Variants in BTN3A1 observed in about 807,000 individuals in gnomAD.
BTN3A1 encodes the protein dJ45P21.3 (butyrophilin, subfamily 3, member A1).
BTN3A1 carries 24 observed loss-of-function variants against 43.0 expected under a neutral mutation model. That is an observed-to-expected ratio of 0.56 (90% CI 0.40 to 0.78). BTN3A1 has a LOEUF of 0.78. Among genes scored for constraint, BTN3A1 ranks in the 30% least tolerant of loss-of-function variants. The pLI, the probability that BTN3A1 is intolerant of heterozygous loss-of-function variation, is 0.00. For missense variants in BTN3A1, 533 were observed against 626.2 expected, an observed-to-expected ratio of 0.85 and a Z score of 1.59; for synonymous variants, 181 against 234.7, an observed-to-expected ratio of 0.77 and a Z score of 2.09.
rs200201898 is a variant in BTN3A1, at chr6:26,410,379, C to A, written c.964+347C>A. Among the ~76,000 whole-genome samples, 3 of 152,134 alleles carry A rather than the reference C, an allele frequency of 2.0e-5. No individual in the cohort carries two copies. In the East Asian group the frequency reaches 5.8e-4, roughly 29 times the overall value. On this transcript the variant is annotated intron_variant, in intron 7 of 9. Coordinates refer to ENST00000289361, the MANE Select transcript of BTN3A1 (RefSeq NM_007048.6). ...AGCCCTGCAAAGCACTGAGGAATAT[C>A]CAGGGGCACATTTGTAAAGGAAGGG...
chr6:26,404,568 C>T (rs997204285), intron 1 of BTN3A1: 2 of 152,180 alleles, frequency 1.3e-5, no homozygotes, highest in South Asian at 4.1e-4. Context: ...ACTCTTTTTA[C>T]CTGCTGCATT....
chr6:26,408,811 T>G (rs1457558220), intron 4 of BTN3A1, among the ~76,000 whole-genome samples: 1 of 152,188 alleles, frequency 6.6e-6, no homozygotes, highest in Non-Finnish European at 1.5e-5. Context: ...TATAGTGAAG[T>G]GGAAAAACCT....
intron 7 of BTN3A1, 59 bp from the exon 8 acceptor site, chr6:26,411,050 A>G: frequency 7.0e-7 from 1 of 1,437,090 alleles, no homozygotes. Flanking sequence ...AGTTAAGGGA[A>G]TGGGGCCAAA....
rs201217877 is a variant in BTN3A1 at position 26,406,134 on chromosome 6, T to C, written c.311T>C (p.Ile104Thr). 292 of 1,555,498 alleles carry C rather than the reference T, an allele frequency of 1.9e-4. 5 individuals are homozygous for C. The East Asian group carries it at 3.7e-3, about 20-fold the overall frequency. Residue 104 changes from isoleucine to threonine, a missense_variant, in exon 3 of 10, where the codon ATC becomes ACC. This residue lies in a region of BTN3A1 where 51 missense variants were observed against 90.9 expected (regional missense o/e 0.56). Coordinates refer to ENST00000289361, the MANE Select transcript of BTN3A1 (RefSeq NM_007048.6). ...RGRTSILRDG[I>T]TAGKAALRIH... ...AGAACTTCGATTCTGCGGGATGGCATCACTGCAGGGAAGGCTGCTCTCCGA... is the reference window on the plus strand; with the variant it reads ...AGAACTTCGATTCTGCGGGATGGCACCACTGCAGGGAAGGCTGCTCTCCGA...
chr6:26,407,788 G>A lies in BTN3A1; in HGVS notation c.551G>A (p.Gly184Glu), dbSNP rs369843054. The change falls in exon 4 of 10, where the codon GGA (glycine) becomes GAA (glutamate). Residue 184 changes from glycine (G) to glutamate (E), a missense_variant. By Grantham distance (98) the Gly-to-Glu change is moderately conservative. Transcript: ENST00000289361. ...CAAATACAGTGGAGCAACAACAAGG[G>A]AGAGAACATCCCGACTGTGGAAGCA... ...QPQIQWSNNK[G>E]ENIPTVEAPV... 9 of 1,614,230 alleles carry A rather than the reference G, an allele frequency of 5.6e-6. No individual in the cohort carries two copies. Among genetic ancestry groups the A allele is most frequent in the Non-Finnish European group, 7.6e-6 (9 of 1,180,048 alleles).
chr6:26,409,065 GTCACC>G (rs2113797559), intron 4 of BTN3A1, among the ~76,000 whole-genome samples: 1 of 148,804 alleles, frequency 6.7e-6, no homozygotes, highest in East Asian at 2.0e-4. Flanking sequence ...CACACTGCAA[GTCACC>G]TAAAGGAGCC....
rs1156318813 is a variant in BTN3A1 at position 26,414,977 on chromosome 6, T to G, written c.*1285T>G. 1 of 152,192 alleles carries G rather than the reference T, an allele frequency of 6.6e-6. No individual in the cohort carries two copies. Among genetic ancestry groups the G allele is most frequent in the Non-Finnish European group, 1.5e-5 (1 of 68,060 alleles). The allele number at this position is 152,192 out of a possible 1,614,324, so 9.4% of individuals were successfully genotyped here. ...GGGATTACAGGCTTGAGCCACCGGG[T>G]GACCGGCTTACAGGGATATTTTTAA... On this transcript the variant is annotated 3_prime_UTR_variant, in exon 10 of 10. Coordinates refer to ENST00000289361, the MANE Select transcript of BTN3A1 (RefSeq NM_007048.6).
chr6:26,412,373 T>C, intron 9 of BTN3A1: 1 of 760,406 alleles, frequency 1.3e-6, no homozygotes, highest in Non-Finnish European at 2.3e-6. Context: ...AATTAAACGG[T>C]GTGTCTCTCC....
chr6:26,408,705 T>A (rs1253885147), intron 4 of BTN3A1, among the ~76,000 whole-genome samples: 1 of 152,236 alleles, frequency 6.6e-6, no homozygotes, highest in Non-Finnish European at 1.5e-5. Flanking sequence ...TGATTATGAC[T>A]GCACAAGGTT....
chr6:26,413,062 G>A, intron 9 of BTN3A1, 107 bp from the exon 10 acceptor site: 2 of 1,523,302 alleles, frequency 1.3e-6, no homozygotes, highest in Non-Finnish European at 1.8e-6. Flanking sequence ...AGGGACACCA[G>A]GCTTTGGACT....
chr6:26,407,845 C>A lies in BTN3A1; in HGVS notation c.608C>A (p.Ala203Glu), dbSNP rs1057932. 1 of 1,614,200 alleles carries A rather than the reference C, an allele frequency of 6.2e-7. No homozygotes were observed. The highest frequency in any genetic ancestry group is 8.5e-7 in the Non-Finnish European group (1 of 1,180,038). ...GTTGCAGACGGAGTGGGCCTGTATG[C>A]AGTAGCAGCATCTGTGATCATGAGA... ...PVVADGVGLYAVAASVIMRGS... is the reference protein window; with the variant it reads ...PVVADGVGLYEVAASVIMRGS... The change falls in exon 4 of 10, where the codon GCA (alanine) becomes GAA (glutamate). Residue 203 changes from alanine (A) to glutamate (E), a missense_variant. By Grantham distance (107) the Ala-to-Glu change is moderately radical. Coordinates refer to ENST00000289361, the MANE Select transcript of BTN3A1 (RefSeq NM_007048.6).
In BTN3A1 at chr6:26,413,496, C is replaced by T. The variant is rs1325831096; in HGVS notation, c.1346C>T (p.Thr449Ile). ...NKYRTLTEPR[T>I]NLKLPKPPKK... ...TATCGGACTCTAACTGAGCCCAGAA[C>T]CAACCTGAAACTTCCTAAGCCCCCT... is the stretch of plus-strand genomic sequence containing the variant. The change falls in exon 10 of 10, where the codon ACC (threonine) becomes ATC (isoleucine). Residue 449 changes from threonine (T) to isoleucine (I), a missense_variant. By Grantham distance (89) the Thr-to-Ile change is moderately conservative. Transcript: ENST00000289361. 6.2e-7 allele frequency: 1 copy of T among 1,614,112 alleles called. No homozygotes were observed. Among genetic ancestry groups the T allele is most frequent in the Admixed American group, 1.7e-5 (1 of 60,024 alleles).
At position 26,407,790 on chromosome 6, in the gene BTN3A1, G is replaced by A; in HGVS notation, c.553G>A (p.Glu185Lys). Reference protein sequence around the residue: ...PQIQWSNNKGENIPTVEAPVV... With the variant: ...PQIQWSNNKGKNIPTVEAPVV... ...AATACAGTGGAGCAACAACAAGGGA[G>A]AGAACATCCCGACTGTGGAAGCACC... is the stretch of plus-strand genomic sequence containing the variant. Residue 185 changes from glutamate to lysine, a missense_variant, in exon 4 of 10, where the codon GAG (glutamate) becomes AAG (lysine). By Grantham distance (56) the Glu-to-Lys change is moderately conservative. Transcript: ENST00000289361. 1.9e-6 allele frequency: 3 copies of A among 1,614,238 alleles called. No individual in the cohort carries two copies. The highest frequency in any genetic ancestry group is 2.5e-6 in the Non-Finnish European group (3 of 1,180,048).
chr6:26,411,420 G>T, intron 8 of BTN3A1, 135 bp from the exon 9 acceptor site: 1 of 1,137,096 alleles, frequency 8.8e-7, no homozygotes, highest in Non-Finnish European at 1.3e-6. Context: ...ATCCATCAGA[G>T]CTGTAGAAGA....
rs1405437688 is a variant in BTN3A1 at position 26,409,644 on chromosome 6, A to G, written c.827A>G (p.Glu276Gly). 6 of 1,603,310 alleles carry G rather than the reference A, an allele frequency of 3.7e-6. No individual in the cohort carries two copies. The highest frequency in any genetic ancestry group is 4.2e-6 in the Non-Finnish European group (5 of 1,177,066). ...AGYFLWQQQEEKKTQFRKKKR... is the reference protein window; with the variant it reads ...AGYFLWQQQEGKKTQFRKKKR... The stretch of plus-strand genomic sequence containing the variant: ...TACTTCCTGTGGCAACAGCAGGAGG[A>G]AAAAAAGACTCAGTTCAGAAAGAAA... The change falls in exon 5 of 10, where the codon GAA becomes GGA. Residue 276 changes from glutamate (E) to glycine (G), a missense_variant. Physicochemically the swap from Glu to Gly is moderately conservative, Grantham distance 98. This residue lies in a region of BTN3A1 where 415 missense variants were observed against 427.0 expected (regional missense o/e 0.97). Coordinates refer to ENST00000289361, the MANE Select transcript of BTN3A1 (RefSeq NM_007048.6).
Position 26,409,580 on chromosome 6 carries a change from A to T in BTN3A1, c.763A>T (p.Thr255Ser), listed in dbSNP as rs1290300790. 2 of 1,610,878 alleles carry T rather than the reference A, an allele frequency of 1.2e-6. No individual in the cohort carries two copies. Among genetic ancestry groups the T allele is most frequent in the East Asian group, 2.2e-5 (1 of 44,756 alleles). ...AQRWIAALAGTLPVLLLLLGG... is the reference protein window; with the variant it reads ...AQRWIAALAGSLPVLLLLLGG... ...GAGGTGGATCGCCGCCCTGGCAGGG[A>T]CCCTGCCTGTCTTGCTGCTGCTTCT... Residue 255 changes from threonine (T) to serine (S), a missense_variant, in exon 5 of 10, where the codon ACC (threonine) becomes TCC (serine). Transcript: ENST00000289361.
rs1345404101 is a variant in BTN3A1, at chr6:26,405,976, C to T, written c.153C>T (p.Pro51=). The T allele has an allele frequency of 6.2e-7, 1 of 1,605,208 alleles. No homozygotes were observed. The highest frequency in any genetic ancestry group is 1.7e-5 in the Admixed American group (1 of 58,526). ...LAMVGEDADL[P]CHLFPTMSAE... is the part of the protein sequence containing the mutation. ...TGGTGGGTGAAGACGCTGATCTGCCCTGTCACCTGTTCCCGACCATGAGTG... is the reference window on the plus strand; with the variant it reads ...TGGTGGGTGAAGACGCTGATCTGCCTTGTCACCTGTTCCCGACCATGAGTG... The change falls in exon 3 of 10, where the codon CCC becomes CCT. Residue 51 remains proline (P), a synonymous_variant. Coordinates refer to ENST00000289361, the MANE Select transcript of BTN3A1 (RefSeq NM_007048.6).
Position 26,414,560 on chromosome 6 carries a change from C to A in BTN3A1, c.*868C>A, listed in dbSNP as rs1762327121. 6.6e-6 allele frequency: 1 copy of A among 152,192 alleles called. No individual in the cohort carries two copies. Among genetic ancestry groups the A allele is most frequent in the Non-Finnish European group, 1.5e-5 (1 of 68,056 alleles). 9.4% of individuals were successfully genotyped at this position (152,192 alleles called of 1,614,324 possible). A position where few individuals can be genotyped will look rare whatever the true frequency, so the allele number is the denominator to read the frequency against. On this transcript the variant is annotated 3_prime_UTR_variant, in exon 10 of 10. Transcript: ENST00000289361. ...TGGGGAACAGATGTGTTCCACCCAA[C>A]AAATGTGATAAGTGATCATGCAGCC... is the stretch of plus-strand genomic sequence containing the variant.
At chr6:26,410,087 A>G (rs1174948522) in intron 7 of BTN3A1, 55 bp downstream of exon 7, 2 of 1,605,266 alleles carry the variant, frequency 1.2e-6, no homozygotes, top group African/African-American at 2.7e-5. Context: ...CTGTGCTTGA[A>G]TAGTTTCCAC....
Sources: allele counts gnomAD v4.1 joint callset (sites outside exome capture counted in the v4.1 genomes callset), GRCh38; gene constraint gnomAD v4.1.1; regional missense constraint gnomAD v4.1.1; transcripts MANE v1.5; gene names NCBI Gene and HGNC (gene_info 2026-07-23, HGNC 2026-07-21).